HIRA: variants seen among roughly 807,000 people sequenced by gnomAD.
HIRA encodes protein HIRA.
A neutral mutation model predicts 126.6 loss-of-function variants in HIRA; 13 were observed. The ratio of observed to expected loss-of-function variants is 0.10; its 90% CI spans 0.07 to 0.16. HIRA has a LOEUF of 0.16. HIRA is among the 10% of genes least tolerant of loss of function. The pLI, the probability that HIRA is intolerant of heterozygous loss-of-function variation, is 1.00. For synonymous variants in HIRA, 511 were observed against 520.0 expected (o/e 0.98, Z 0.24); for missense variants, 834 against 1,314.4 (o/e 0.63, Z 5.65).
chr22:19,355,701 G>A, intron 21 of HIRA, 59 bp downstream of exon 21: 2 of 1,263,174 alleles, frequency 1.6e-6, no homozygotes, highest in South Asian at 2.4e-5. Context: ...CCTTTGCTCT[G>A]CTGTCTAGAG....
At chr22:19,405,222 A>G (rs2089298776) in intron 5 of HIRA, among the ~76,000 whole-genome samples, 1 of 152,186 alleles carries the variant, frequency 6.6e-6, no homozygotes, top group South Asian at 2.1e-4. Flanking sequence ...CCTTTGGTCC[A>G]TTCCTGGACC....
At chr22:19,331,648 G>T in intron 24 of HIRA, 92 bp from the exon 25 acceptor site, 1 of 1,182,012 alleles carries the variant, frequency 8.5e-7, no homozygotes, top group Non-Finnish European at 1.2e-6. Flanking sequence ...CCTTGTGTCT[G>T]CTCACGGGAG....
chr22:19,360,291 G>A (rs2088851468), intron 17 of HIRA, among the ~76,000 whole-genome samples: 1 of 152,182 alleles, frequency 6.6e-6, no homozygotes, highest in South Asian at 2.1e-4. Context: ...GAGTTTGGGA[G>A]AGTTCTGTGC....
intron 16 of HIRA, 107 bp from the exon 17 acceptor site, chr22:19,361,448 C>A: frequency 1.0e-6 from 1 of 954,672 alleles, no homozygotes; most frequent in South Asian, 1.4e-5. Context: ...CAGAGCATTT[C>A]CACCCTGGGA....
intron 13 of HIRA, among the ~76,000 whole-genome samples, chr22:19,382,001 A>C (rs1365755241): frequency 6.6e-6 from 1 of 152,040 alleles, no homozygotes; most frequent in Non-Finnish European, 1.5e-5. Flanking sequence ...TTCTGTGCAA[A>C]TTTATTTGCA....
At chr22:19,359,173 A>G (rs991048929) in intron 18 of HIRA, among the ~76,000 whole-genome samples, 163 bp downstream of exon 18, 8 of 151,998 alleles carry the variant, frequency 5.3e-5, no homozygotes, top group Admixed American at 4.6e-4. Flanking sequence ...GCAGGGACTG[A>G]GATGACAAGC....
chr22:19,410,949 C>A (rs2089347202), intron 1 of HIRA, among the ~76,000 whole-genome samples, 171 bp from the exon 2 acceptor site: 2 of 152,230 alleles, frequency 1.3e-5, no homozygotes, highest in African/African-American at 4.8e-5. Flanking sequence ...ATGGCTGAGC[C>A]CATAGGATGC....
At chr22:19,413,697 C>T (rs1440965559) in intron 1 of HIRA, among the ~76,000 whole-genome samples, 1 of 151,920 alleles carries the variant, frequency 6.6e-6, no homozygotes, top group African/African-American at 2.4e-5. Flanking sequence ...CTGCAAGCTC[C>T]GTCTCCCAGG....
At chr22:19,405,971 G>C in intron 4 of HIRA, 91 bp from the exon 5 acceptor site, 1 of 766,104 alleles carries the variant, frequency 1.3e-6, no homozygotes. Context: ...AGGGCACACA[G>C]AACAAAGCAA....
chr22:19,359,116 T>C (rs528262400), intron 18 of HIRA, among the ~76,000 whole-genome samples: 1 of 152,186 alleles, frequency 6.6e-6, no homozygotes, highest in East Asian at 1.9e-4. Flanking sequence ...GGGCTCAGTT[T>C]CCCCATCTGT....
At chr22:19,335,166 G>C (rs1341540239) in intron 24 of HIRA, among the ~76,000 whole-genome samples, 1 of 151,774 alleles carries the variant, frequency 6.6e-6, no homozygotes, top group Non-Finnish European at 1.5e-5. Flanking sequence ...TGATACTGCT[G>C]TCATGCCACT....
At chr22:19,353,641 C>A (rs2088781605) in intron 22 of HIRA, 122 bp from the exon 23 acceptor site, 3 of 971,272 alleles carry the variant, frequency 3.1e-6, no homozygotes, top group Non-Finnish European at 4.5e-6. Context: ...CCAAGGCCTC[C>A]CGTCCACTAG....
intron 24 of HIRA, among the ~76,000 whole-genome samples, chr22:19,349,917 A>G (rs1308192019): frequency 1.1e-4 from 16 of 151,748 alleles, no homozygotes; most frequent in Admixed American, 1.0e-3. Context: ...TCTTCTCCCA[A>G]ATATATGCAT....
At chr22:19,418,694 G>T (rs114784206) in intron 1 of HIRA, among the ~76,000 whole-genome samples, 3 of 152,150 alleles carry the variant, frequency 2.0e-5, no homozygotes, top group Admixed American at 6.5e-5. Context: ...TGCAGTGGTA[G>T]ATACATGAAC....
intron 12 of HIRA, among the ~76,000 whole-genome samples, chr22:19,384,322 C>CAAAAA (rs71317140): frequency 6.0e-5 from 4 of 66,770 alleles, no homozygotes; most frequent in East Asian, 4.3e-4. Context: ...GACTCCATCT[C>CAAAAA]AAAAAAAAAA....
chr22:19,423,482 TACACACACACAC>T (rs777914879), intron 1 of HIRA, among the ~76,000 whole-genome samples: 81 of 111,300 alleles, frequency 7.3e-4, no homozygotes, highest in African/African-American at 9.1e-4. Flanking sequence ...CACACATGCA[TACACACACACAC>T]ACACACACAC....
At chr22:19,405,648 G>T in intron 5 of HIRA, 138 bp downstream of exon 5, 1 of 846,388 alleles carries the variant, frequency 1.2e-6, no homozygotes, top group Non-Finnish European at 1.6e-6. Context: ...GGCAGGGTGT[G>T]ACTGATTGTG....
intron 24 of HIRA, among the ~76,000 whole-genome samples, chr22:19,344,825 A>G (rs1023367430): frequency 6.6e-6 from 1 of 152,220 alleles, no homozygotes; most frequent in African/African-American, 2.4e-5. Flanking sequence ...GAATGGTTTA[A>G]CATATGAAAA....
intron 15 of HIRA, 46 bp from the exon 16 acceptor site, chr22:19,361,977 G>T: frequency 6.4e-7 from 1 of 1,565,878 alleles, no homozygotes; most frequent in Non-Finnish European, 8.8e-7. Flanking sequence ...AACCATTCAT[G>T]CAAGAAAGAG....
Sources: allele counts gnomAD v4.1 joint callset (sites outside exome capture counted in the v4.1 genomes callset), GRCh38; gene constraint gnomAD v4.1.1; transcripts MANE v1.5; gene names NCBI Gene and HGNC (gene_info 2026-07-23, HGNC 2026-07-21).